FSIP2: variants seen among roughly 807,000 people sequenced by gnomAD.
FSIP2 encodes fibrous sheath-interacting protein 2.
FSIP2 carries 367 observed loss-of-function variants against 510.5 expected under a neutral mutation model. That is an observed-to-expected ratio of 0.72 (90% CI 0.66 to 0.78). The LOEUF is 0.78. FSIP2 is among the 30% of genes least tolerant of loss of function. FSIP2 has a pLI of 0.00. For synonymous variants in FSIP2, 2,601 were observed against 2,732.2 expected, an observed-to-expected ratio of 0.95 and a Z score of 1.50; for missense variants, 7,594 against 7,901.7, an observed-to-expected ratio of 0.96 and a Z score of 1.48.
At chr2:185,740,103 A>G (rs1691894162) in intron 2 of FSIP2, among the ~76,000 whole-genome samples, 1 of 152,146 alleles carries the variant, frequency 6.6e-6, no homozygotes, top group Non-Finnish European at 1.5e-5. Context: ...TGAGTCTTTC[A>G]CACCTACCCA....
intron 10 of FSIP2, 57 bp from the exon 11 acceptor site, chr2:185,761,914 CT>C: frequency 8.8e-6 from 8 of 904,112 alleles, no homozygotes; most frequent in South Asian, 1.7e-5. Flanking sequence ...AAGGCAGAAT[CT>C]TTTTTGGAAG....
At chr2:185,737,340 G>C (rs1049030367), upstream of FSIP2, among the ~76,000 whole-genome samples, 4 of 152,186 alleles carry the variant, frequency 2.6e-5, no homozygotes, top group African/African-American at 7.2e-5. Context: ...GGGCAGTTGG[G>C]AGTTTAAAGT....
At chr2:185,825,101 T>C (rs981597716) in intron 20 of FSIP2, among the ~76,000 whole-genome samples, 2 of 151,756 alleles carry the variant, frequency 1.3e-5, no homozygotes, top group African/African-American at 4.8e-5. Context: ...ACCACAAGTT[T>C]ATCATGACTA....
chr2:185,795,165 A>C lies in FSIP2; in HGVS notation c.8029A>C (p.Thr2677Pro). 6.5e-7 allele frequency: 1 copy of C among 1,534,802 alleles called. No individual in the cohort carries two copies. Among genetic ancestry groups the C allele is most frequent in the Non-Finnish European group, 8.7e-7 (1 of 1,146,128 alleles). Residue 2677 changes from threonine (T) to proline (P), a missense_variant, in exon 16 of 23, where the codon ACA becomes CCA. By Grantham distance (38) the Thr-to-Pro change is conservative. Coordinates refer to ENST00000424728, the MANE Select transcript of FSIP2 (RefSeq NM_173651.4). ...RSKITTLPKF[T>P]KKTHLGLSAA... is the part of the protein sequence containing the mutation. ...AAAAATTACCACTTTGCCTAAATTT[A>C]CAAAAAAAACACACTTAGGACTGAG...
Position 185,791,912 on chromosome 2 carries a change from A to G in FSIP2, c.4776A>G (p.Lys1592=), listed in dbSNP as rs1236122314. 3.3e-6 allele frequency: 5 copies of G among 1,533,882 alleles called. No homozygotes were observed. The highest frequency in any genetic ancestry group is 3.5e-6 in the Non-Finnish European group (4 of 1,145,454). ...ATATTCTTAATATGGTTTTTGCTAA[A>G]CTGGAAGGGTTTGCCAACGGACATT... ...ASDILNMVFA[K]LEGFANGHLE... is the part of the protein sequence containing the mutation. Residue 1592 remains lysine (K), a synonymous_variant, in exon 16 of 23, where the codon AAA becomes AAG. Transcript: ENST00000424728.
At position 185,757,616 on chromosome 2, in the gene FSIP2, A is replaced by T. The variant is rs146990763; in HGVS notation, c.1078+1338A>T. 6.6e-3 allele frequency among the ~76,000 whole-genome samples: 1,004 copies of T among 151,422 alleles called. 13 individuals are homozygous for T. Among genetic ancestry groups the T allele is most frequent in the African/African-American group, 0.022 (921 of 41,426 alleles). On this transcript the variant is annotated intron_variant, in intron 9 of 22. Coordinates refer to ENST00000424728, the MANE Select transcript of FSIP2 (RefSeq NM_173651.4). ...CTTCCTGGTTTCCATTTCATCATTG[A>T]GTCATGAGTGTGAACTCTGTACAGT...
rs184963416 is a variant in FSIP2, at chr2:185,745,503, C to T, written c.552C>T (p.Val184=). The change falls in exon 5 of 23, where the codon GTC becomes GTT. Residue 184 remains valine (V), a synonymous_variant. Coordinates refer to ENST00000424728, the MANE Select transcript of FSIP2 (RefSeq NM_173651.4). The part of the protein sequence containing the change: ...QIPQHCDVAQ[V]QNWLLKEGTE... ...CTCAACATTGTGATGTTGCACAAGT[C>T]CAAAACTGGTTGTTAAAGGAGGGCA... The T allele has an allele frequency of 5.2e-6, 8 of 1,535,272 alleles. No individual in the cohort carries two copies.
intron 7 of FSIP2, among the ~76,000 whole-genome samples, chr2:185,749,527 CTAG>C (rs1016778737): frequency 7.2e-5 from 11 of 151,888 alleles, no homozygotes; most frequent in African/African-American, 2.7e-4. Context: ...ATAATCAGTT[CTAG>C]TAGTTCTTTT....
intron 14 of FSIP2, among the ~76,000 whole-genome samples, chr2:185,784,659 AG>A (rs1692926650): frequency 6.6e-6 from 1 of 152,124 alleles, no homozygotes; most frequent in Non-Finnish European, 1.5e-5. Flanking sequence ...CTATGATTTC[AG>A]GGTATTATTT....
intron 13 of FSIP2, among the ~76,000 whole-genome samples, chr2:185,775,978 A>G (rs2105584343): frequency 6.6e-6 from 1 of 152,264 alleles, no homozygotes. Flanking sequence ...TTTATTTAAA[A>G]ATTACATTGT....
rs750565232 is a variant in FSIP2, at chr2:185,831,873, G to C, written c.20578G>C (p.Val6860Leu). Reference sequence around the variant, plus strand: ...TGGCAGTGCAAATCCCTCAAAGGAAGTCATTTCAGGTACAAAATGTACTAT... The same window carrying C: ...TGGCAGTGCAAATCCCTCAAAGGAACTCATTTCAGGTACAAAATGTACTAT... ...VLGSANPSKE[V>L]ISETPKPDVS... Residue 6860 changes from valine to leucine, a missense_variant, in exon 22 of 23, where the codon GTC becomes CTC. Physicochemically the swap from Val to Leu is conservative, Grantham distance 32 (BLOSUM62 1). Transcript: ENST00000424728. The C allele has an allele frequency of 6.3e-7, 1 of 1,589,072 alleles. No homozygotes were observed. Among genetic ancestry groups the C allele is most frequent in the African/African-American group, 1.3e-5 (1 of 74,318 alleles).
rs1317393152 is a variant in FSIP2 at position 185,800,628 on chromosome 2, T to C, written c.11322T>C (p.Pro3774=). 5.9e-6 allele frequency: 9 copies of C among 1,533,700 alleles called. No homozygotes were observed. The African/African-American group carries it at 1.2e-4, about 21-fold the overall frequency. ...AAGAATGCACAAGCACTGCTTTTCCTGATAAAGGGTCTGTTTCAGAGGAAA... is the reference window on the plus strand; with the variant it reads ...AAGAATGCACAAGCACTGCTTTTCCCGATAAAGGGTCTGTTTCAGAGGAAA... The part of the protein sequence containing the change: ...LLEECTSTAF[P]DKGSVSEETS... The change falls in exon 17 of 23, where the codon CCT becomes CCC. Residue 3774 remains proline (P), a synonymous_variant. Coordinates refer to ENST00000424728, the MANE Select transcript of FSIP2 (RefSeq NM_173651.4).
Position 185,807,420 on chromosome 2 carries a change from C to A in FSIP2, c.18114C>A (p.Asp6038Glu). 1.9e-6 allele frequency: 3 copies of A among 1,610,330 alleles called. No individual in the cohort carries two copies. Among genetic ancestry groups the A allele is most frequent in the Non-Finnish European group, 2.5e-6 (3 of 1,178,822 alleles). The change falls in exon 17 of 23, where the codon GAC becomes GAA. Residue 6038 changes from aspartate (D) to glutamate (E), a missense_variant. Transcript: ENST00000424728. ...ISSTKTKEPEDNLSTELNFLQ... is the reference protein window; with the variant it reads ...ISSTKTKEPEENLSTELNFLQ... ...GCACAAAAACAAAAGAACCTGAGGA[C>A]AATTTGTCCACAGAACTGAATTTCC...
rs1379194977 is a variant in FSIP2, at chr2:185,802,287, T to G, written c.12981T>G (p.Thr4327=). The stretch of plus-strand genomic sequence containing the variant: ...AGATTTTCAGCCCAAAGCATAACAC[T>G]GAAATTGAGTTGAAAAACATGACCC... ...LSKIFSPKHN[T]EIELKNMTQR... The change falls in exon 17 of 23, where the codon ACT becomes ACG. Residue 4327 remains threonine (T), a synonymous_variant. Transcript: ENST00000424728. The G allele has an allele frequency of 6.5e-7, 1 of 1,533,674 alleles. No individual in the cohort carries two copies. Among genetic ancestry groups the G allele is most frequent in the Non-Finnish European group, 8.7e-7 (1 of 1,145,320 alleles).
chr2:185,785,236 T>C (rs1692943345), intron 14 of FSIP2, among the ~76,000 whole-genome samples: 2 of 152,084 alleles, frequency 1.3e-5, no homozygotes, highest in African/African-American at 4.8e-5. Context: ...GGACAAATGA[T>C]AGAGAACATG....
intron 15 of FSIP2, among the ~76,000 whole-genome samples, chr2:185,786,526 T>C (rs1419333681): frequency 2.0e-5 from 3 of 151,966 alleles, no homozygotes; most frequent in Non-Finnish European, 4.4e-5. Flanking sequence ...CTCATGGGTA[T>C]AGAATGGTGA....
intron 13 of FSIP2, among the ~76,000 whole-genome samples, chr2:185,767,136 G>A (rs1692503883): frequency 6.9e-6 from 1 of 145,722 alleles, no homozygotes; most frequent in South Asian, 2.3e-4. Context: ...CATGGACACA[G>A]GAAGGGGAAT....
At position 185,795,126 on chromosome 2, in the gene FSIP2, T is replaced by C. The variant is rs760644445; in HGVS notation, c.7990T>C (p.Leu2664=). The change falls in exon 16 of 23, where the codon TTA becomes CTA. Residue 2664 remains leucine (L), a synonymous_variant. Transcript: ENST00000424728. ...CCCTAAGCCATGCTTTAAAGCACAT[T>C]TAAAAACAAGATCAAAAATTACCAC... is the stretch of plus-strand genomic sequence containing the variant. ...DNPKPCFKAH[L]KTRSKITTLP... is the part of the protein sequence containing the mutation. 1 of 1,534,878 alleles carries C rather than the reference T, an allele frequency of 6.5e-7. No individual in the cohort carries two copies. Among genetic ancestry groups the C allele is most frequent in the Non-Finnish European group, 8.7e-7 (1 of 1,146,140 alleles).
chr2:185,766,455 TCAAA>T (rs1458468664), intron 13 of FSIP2: 2 of 147,416 alleles, frequency 1.4e-5, no homozygotes, highest in Non-Finnish European at 3.0e-5. Context: ...TACAATGAAC[TCAAA>T]CAAATTTACA....
Sources: allele counts gnomAD v4.1 joint callset (sites outside exome capture counted in the v4.1 genomes callset), GRCh38; gene constraint gnomAD v4.1.1; transcripts MANE v1.5; gene names NCBI Gene and HGNC (gene_info 2026-07-23, HGNC 2026-07-21).